USO1: variants seen among roughly 807,000 people sequenced by gnomAD.
USO1 encodes general vesicular transport factor p115.
USO1 carries 57 observed loss-of-function variants against 124.5 expected under a neutral mutation model. That is an observed-to-expected ratio of 0.46 (90% CI 0.37 to 0.57). The LOEUF (loss-of-function observed/expected upper bound fraction) is 0.57, where lower values mean the gene tolerates loss of function less well. USO1 is among the 20% of genes least tolerant of loss of function. The pLI is 0.00. For synonymous variants in USO1, 369 were observed against 362.8 expected (o/e 1.02, Z -0.19); for missense variants, 900 against 1,040.6 (o/e 0.86, Z 1.86).
At chr4:75,771,961 C>T (rs1362634103) in intron 7 of USO1, among the ~76,000 whole-genome samples, 1 of 152,104 alleles carries the variant, frequency 6.6e-6, no homozygotes, top group Non-Finnish European at 1.5e-5. Flanking sequence ...CCCACAGAAA[C>T]CAAGTAAAGT....
intron 7 of USO1, among the ~76,000 whole-genome samples, chr4:75,772,128 C>G (rs2149168542): frequency 6.6e-6 from 1 of 152,278 alleles, no homozygotes; most frequent in East Asian, 1.9e-4. Flanking sequence ...GCATTCTTAA[C>G]TCCTAGTCTA....
chr4:75,790,287 G>A (rs766710370), intron 11 of USO1, 49 bp downstream of exon 11: 26 of 1,549,220 alleles, frequency 1.7e-5, no homozygotes, highest in Non-Finnish European at 2.2e-5. Flanking sequence ...AAAAACTTTG[G>A]GTTGTTAATG....
chr4:75,758,209 T>C (rs1325963986), intron 4 of USO1, among the ~76,000 whole-genome samples: 2 of 152,212 alleles, frequency 1.3e-5, no homozygotes, highest in Non-Finnish European at 2.9e-5. Context: ...TTGTCCTGTA[T>C]ACATTTTGTT....
At chr4:75,743,973 T>A (rs1251406767) in intron 1 of USO1, among the ~76,000 whole-genome samples, 2 of 152,156 alleles carry the variant, frequency 1.3e-5, no homozygotes, top group East Asian at 3.9e-4. Context: ...AGATGGGGTT[T>A]CACCGTGTTA....
intron 3 of USO1, among the ~76,000 whole-genome samples, chr4:75,753,425 T>C (rs2149155245): frequency 6.6e-6 from 1 of 152,114 alleles, no homozygotes; most frequent in South Asian, 2.1e-4. Flanking sequence ...TCCCAGCTAC[T>C]TGGGAGTCTG....
chr4:75,764,955 T>G (rs1188613853), intron 4 of USO1, among the ~76,000 whole-genome samples: 2 of 152,224 alleles, frequency 1.3e-5, no homozygotes, highest in Non-Finnish European at 2.9e-5. Flanking sequence ...CTCCCCATCC[T>G]CTAATGTTAG....
intron 1 of USO1, among the ~76,000 whole-genome samples, chr4:75,735,370 ATAT>A (rs1440290111): frequency 6.6e-6 from 1 of 152,190 alleles, no homozygotes; most frequent in Admixed American, 6.5e-5. Context: ...GTTTAGAATC[ATAT>A]TATTAGCAAA....
chr4:75,759,032 CT>C (rs1480185620), intron 4 of USO1, among the ~76,000 whole-genome samples: 1 of 151,514 alleles, frequency 6.6e-6, no homozygotes, highest in East Asian at 1.9e-4. Context: ...AAATTTAGCT[CT>C]TTTTCCAGTT....
intron 1 of USO1, among the ~76,000 whole-genome samples, chr4:75,737,989 A>T (rs1205900599): frequency 6.6e-6 from 1 of 151,374 alleles, no homozygotes; most frequent in Non-Finnish European, 1.5e-5. Flanking sequence ...CATCACACCC[A>T]GCCAATTTTT....
intron 8 of USO1, among the ~76,000 whole-genome samples, chr4:75,775,596 T>C (rs893500870): frequency 6.6e-6 from 1 of 152,104 alleles, no homozygotes; most frequent in African/African-American, 2.4e-5. Context: ...GATTTTACAA[T>C]AGCACCAACT....
intron 8 of USO1, among the ~76,000 whole-genome samples, chr4:75,775,206 G>A (rs1229538000): frequency 6.6e-6 from 1 of 152,118 alleles, no homozygotes; most frequent in Non-Finnish European, 1.5e-5. Flanking sequence ...GAGAATAGGA[G>A]AGCTAGTTAA....
chr4:75,746,781 G>C (rs983571765), intron 1 of USO1, among the ~76,000 whole-genome samples: 5 of 152,118 alleles, frequency 3.3e-5, no homozygotes, highest in East Asian at 1.9e-4. Flanking sequence ...TTGATTTCAA[G>C]CTTGAGTAAT....
chr4:75,782,899 A>C lies in USO1; in HGVS notation c.855+41A>C, dbSNP rs552023499. 56 of 1,520,618 alleles carry C rather than the reference A, an allele frequency of 3.7e-5. No homozygotes were observed. In the Admixed American group the frequency reaches 1.2e-3, roughly 33 times the overall value. The allele number at this position is 1,520,618 out of a possible 1,614,324, so 94.2% of individuals were successfully genotyped here. Reference sequence around the variant, plus strand: ...ACATAAATGTGGTAAGAATTTTGACAGTGATCTTTTCAAAGAGAAGAAAAT... The same window carrying C: ...ACATAAATGTGGTAAGAATTTTGACCGTGATCTTTTCAAAGAGAAGAAAAT... On this transcript the variant is annotated intron_variant, in intron 9 of 23. Transcript: ENST00000514213.
intron 1 of USO1, among the ~76,000 whole-genome samples, chr4:75,729,737 A>G (rs75595227): frequency 1.3e-5 from 2 of 152,292 alleles, no homozygotes; most frequent in East Asian, 1.9e-4. Flanking sequence ...TCTGTTCTCA[A>G]GTTGGACCCC....
intron 12 of USO1, among the ~76,000 whole-genome samples, chr4:75,793,173 G>T (rs1722578599): frequency 6.7e-6 from 1 of 150,012 alleles, no homozygotes; most frequent in Admixed American, 6.7e-5. Context: ...TTGGATAAGG[G>T]ATACTCAACC....
At chr4:75,772,971 G>A (rs547470062) in intron 7 of USO1, among the ~76,000 whole-genome samples, 1 of 151,842 alleles carries the variant, frequency 6.6e-6, no homozygotes, top group Non-Finnish European at 1.5e-5. Context: ...AGTGGCGGGC[G>A]CCTGTAATAC....
chr4:75,752,251 A>C, intron 1 of USO1, 122 bp from the exon 2 acceptor site: 1 of 395,470 alleles, frequency 2.5e-6, no homozygotes, highest in South Asian at 1.4e-4. Flanking sequence ...AGATTTCTGA[A>C]AGACCATTTC....
intron 4 of USO1, among the ~76,000 whole-genome samples, chr4:75,766,391 A>G (rs542120784): frequency 3.7e-4 from 56 of 152,340 alleles, no homozygotes; most frequent in African/African-American, 1.2e-3. Context: ...TTCTCAAGTG[A>G]GGGCAATTTA....
chr4:75,806,667 A>T, intron 20 of USO1, 95 bp downstream of exon 20: 2 of 1,430,274 alleles, frequency 1.4e-6, no homozygotes, highest in African/African-American at 2.9e-5. Flanking sequence ...CTATATTAGC[A>T]GATGTAAGTA....
Sources: allele counts gnomAD v4.1 joint callset (sites outside exome capture counted in the v4.1 genomes callset), GRCh38; gene constraint gnomAD v4.1.1; transcripts MANE v1.5; gene names NCBI Gene and HGNC (gene_info 2026-07-23, HGNC 2026-07-21).